KCND2: variants seen among roughly 807,000 people sequenced by gnomAD.
KCND2 encodes A-type voltage-gated potassium channel KCND2.
KCND2 carries 16 observed loss-of-function variants against 54.4 expected under a neutral mutation model. That is an observed-to-expected ratio of 0.29 (90% CI 0.20 to 0.45). KCND2 has a LOEUF of 0.45. Among genes scored for constraint, KCND2 ranks in the 20% least tolerant of loss-of-function variants. The pLI is 1.00. For synonymous variants in KCND2, 317 were observed against 310.7 expected, an observed-to-expected ratio of 1.02 and a Z score of -0.21; for missense variants, 486 against 824.2, an observed-to-expected ratio of 0.59 and a Z score of 5.02.
At chr7:120,282,392 A>G (rs1799279605) in intron 1 of KCND2, among the ~76,000 whole-genome samples, 1 of 152,206 alleles carries the variant, frequency 6.6e-6, no homozygotes, top group Non-Finnish European at 1.5e-5. Flanking sequence ...CTGTCAGGAA[A>G]AGCTCAATGT....
Position 120,274,583 on chromosome 7 carries a change from G to T in KCND2, c.-50G>T. 1.2e-6 allele frequency: 2 copies of T among 1,612,464 alleles called. No homozygotes were observed. The highest frequency in any genetic ancestry group is 2.2e-5 in the South Asian group (2 of 90,888). On this transcript the variant is annotated 5_prime_UTR_variant, in exon 1 of 6. Transcript: ENST00000331113. ...GTGGGTGACTTTTGGCTGCTTCGGT[G>T]ACCCATTGTAGACGCCTCGTTACCC...
intron 1 of KCND2, among the ~76,000 whole-genome samples, chr7:120,318,551 A>G (rs1373731380): frequency 6.6e-6 from 1 of 152,100 alleles, no homozygotes; most frequent in Non-Finnish European, 1.5e-5. Flanking sequence ...ATTTGCTTTG[A>G]TAGCATTGTT....
At chr7:120,615,569 G>T (rs953924747) in intron 1 of KCND2, among the ~76,000 whole-genome samples, 14 of 152,132 alleles carry the variant, frequency 9.2e-5, no homozygotes, top group Non-Finnish European at 2.9e-5. Context: ...TTCCTAGGGT[G>T]CATCCTTATT....
intron 1 of KCND2, among the ~76,000 whole-genome samples, chr7:120,432,148 C>T (rs7793879): frequency 0.19 from 29,318 of 152,070 alleles, 3,641 homozygotes; most frequent in East Asian, 0.56. Flanking sequence ...TTTGGTCCCC[C>T]ATTGTAAATA....
chr7:120,723,337 A>G (rs1252103416), intron 1 of KCND2, among the ~76,000 whole-genome samples: 1 of 152,174 alleles, frequency 6.6e-6, no homozygotes, highest in Non-Finnish European at 1.5e-5. Flanking sequence ...ACCAGAGAGG[A>G]TCTTGTTAAG....
Position 120,275,334 on chromosome 7 carries a change from G to A in KCND2, c.702G>A (p.Thr234=), listed in dbSNP as rs141583673. 11 of 1,613,574 alleles carry A rather than the reference G, an allele frequency of 6.8e-6. No homozygotes were observed. Among genetic ancestry groups the A allele is most frequent in the Admixed American group, 5.0e-5 (3 of 59,954 alleles). Residue 234 remains threonine (T), a synonymous_variant, in exon 1 of 6, where the codon ACG becomes ACA. Transcript: ENST00000331113. ...CTGTGGCCTTCTTCTGCTTGGACAC[G>A]GCCTGCGTCATGATCTTCACAGTTG... ...RYAVAFFCLD[T]ACVMIFTVEY... is the part of the protein sequence containing the mutation.
chr7:120,359,613 A>C (rs1800563939), intron 1 of KCND2, among the ~76,000 whole-genome samples: 1 of 152,154 alleles, frequency 6.6e-6, no homozygotes, highest in Admixed American at 6.6e-5. Flanking sequence ...AAGAAGGTAG[A>C]CTGTAAGAAC....
intron 1 of KCND2, among the ~76,000 whole-genome samples, chr7:120,722,995 G>T (rs1484857090): frequency 6.6e-6 from 1 of 152,160 alleles, no homozygotes; most frequent in African/African-American, 2.4e-5. Context: ...TTGGCTCCTT[G>T]GGTGACAGCC....
At chr7:120,344,124 C>A (rs1053018224) in intron 1 of KCND2, among the ~76,000 whole-genome samples, 1 of 152,012 alleles carries the variant, frequency 6.6e-6, no homozygotes, top group Non-Finnish European at 1.5e-5. Flanking sequence ...TTATAGCAAC[C>A]GAAGTGTGTA....
intron 1 of KCND2, among the ~76,000 whole-genome samples, chr7:120,324,877 A>G (rs1472827068): frequency 1.4e-5 from 2 of 143,622 alleles, no homozygotes; most frequent in Non-Finnish European, 3.1e-5. Flanking sequence ...TTGAATCTGT[A>G]AATTACCTTG....
At chr7:120,634,641 G>A (rs936257978) in intron 1 of KCND2, among the ~76,000 whole-genome samples, 4 of 152,058 alleles carry the variant, frequency 2.6e-5, no homozygotes, top group African/African-American at 9.7e-5. Flanking sequence ...AAACTTTTAA[G>A]CAACCTTTCA....
chr7:120,325,795 T>C (rs1392277842), intron 1 of KCND2, among the ~76,000 whole-genome samples: 1 of 152,000 alleles, frequency 6.6e-6, no homozygotes, highest in Non-Finnish European at 1.5e-5. Flanking sequence ...TGAGTTGAGA[T>C]TTTTGGAGTT....
At chr7:120,444,895 C>T (rs982786497) in intron 1 of KCND2, among the ~76,000 whole-genome samples, 1 of 152,076 alleles carries the variant, frequency 6.6e-6, no homozygotes, top group Admixed American at 6.6e-5. Context: ...AAAATTAACA[C>T]TTACCTCAGT....
intron 1 of KCND2, among the ~76,000 whole-genome samples, chr7:120,465,567 A>G (rs1293539992): frequency 6.6e-6 from 1 of 152,182 alleles, no homozygotes; most frequent in East Asian, 1.9e-4. Flanking sequence ...TGGCAAACGC[A>G]AGAAGAGTTT....
chr7:120,411,986 A>G (rs749959246), intron 1 of KCND2, among the ~76,000 whole-genome samples: 1 of 151,922 alleles, frequency 6.6e-6, no homozygotes, highest in Non-Finnish European at 1.5e-5. Flanking sequence ...TAGCAACCAG[A>G]TGGTCAGATA....
At chr7:120,423,886 C>T (rs1207358771) in intron 1 of KCND2, among the ~76,000 whole-genome samples, 2 of 152,114 alleles carry the variant, frequency 1.3e-5, no homozygotes, top group Non-Finnish European at 2.9e-5. Context: ...TAACCCAACT[C>T]GAACAAAACC....
intron 1 of KCND2, among the ~76,000 whole-genome samples, chr7:120,708,044 G>T (rs568860743): frequency 4.5e-4 from 69 of 152,064 alleles, no homozygotes; most frequent in Non-Finnish European, 8.2e-4. Context: ...GATACAAGAG[G>T]TTTTTTCAAG....
At chr7:120,672,265 A>G (rs775034289) in intron 1 of KCND2, among the ~76,000 whole-genome samples, 2 of 152,088 alleles carry the variant, frequency 1.3e-5, no homozygotes, top group African/African-American at 2.4e-5. Flanking sequence ...TCACTCCAAT[A>G]TAAAGGAAAA....
At chr7:120,276,210 C>G (rs1799171533) in intron 1 of KCND2, among the ~76,000 whole-genome samples, 1 of 152,044 alleles carries the variant, frequency 6.6e-6, no homozygotes, top group African/African-American at 2.4e-5. Context: ...CATTTTTCCT[C>G]TAAGAACCAT....
Sources: gnomAD v4.1 joint callset for allele counts (sites outside exome capture counted in the v4.1 genomes callset) on GRCh38, gnomAD v4.1.1 for gene constraint, MANE v1.5 for transcripts, NCBI Gene and HGNC (gene_info 2026-07-23, HGNC 2026-07-21) for gene names.